Variants in P4HA1 observed in about 807,000 individuals in gnomAD.
P4HA1 encodes prolyl 4-hydroxylase subunit alpha-1.
A neutral mutation model predicts 72.8 loss-of-function variants in P4HA1; 24 were observed. The ratio of observed to expected loss-of-function variants is 0.33; its 90% CI spans 0.24 to 0.46. The LOEUF (loss-of-function observed/expected upper bound fraction) is 0.46. Ranked by LOEUF, P4HA1 falls within the 20% of genes least tolerant of loss-of-function variation. The probability of loss-of-function intolerance (pLI) is 1.00; values close to 1 mark genes in which losing one functional copy is unlikely to be tolerated. For synonymous variants in P4HA1, 201 were observed against 218.8 expected (o/e 0.92, Z 0.72); for missense variants, 446 against 640.6 (o/e 0.70, Z 3.28).
intron 7 of P4HA1, 144 bp from the exon 8 acceptor site, chr10:73,047,245 A>G: frequency 1.5e-6 from 1 of 651,506 alleles, no homozygotes; most frequent in South Asian, 2.1e-5. Flanking sequence ...GTACTCTGCA[A>G]ATATTTTGCC....
At chr10:73,025,210 TG>T (rs1371551174) in intron 10 of P4HA1, among the ~76,000 whole-genome samples, 16 of 152,298 alleles carry the variant, frequency 1.1e-4, no homozygotes, top group African/African-American at 3.9e-4. Context: ...ATATCGCTGA[TG>T]AACATCGACG....
chr10:73,026,357 A>T (rs1188294160), intron 10 of P4HA1, among the ~76,000 whole-genome samples: 1 of 152,254 alleles, frequency 6.6e-6, no homozygotes, highest in East Asian at 1.9e-4. Flanking sequence ...AAATGGGGAA[A>T]GGATTCCCTA....
chr10:73,062,766 T>C (rs1564632261), intron 5 of P4HA1, among the ~76,000 whole-genome samples: 1 of 152,212 alleles, frequency 6.6e-6, no homozygotes, highest in Non-Finnish European at 1.5e-5. Flanking sequence ...AAGGCATTTA[T>C]GAGAAATAAA....
intron 7 of P4HA1, among the ~76,000 whole-genome samples, chr10:73,049,285 C>T (rs371966106): frequency 1.8e-4 from 27 of 152,082 alleles, no homozygotes; most frequent in African/African-American, 5.8e-4. Context: ...TCATCAATAT[C>T]GAAATGCAAA....
chr10:73,060,951 AGTTCAGGG>A (rs1335212250), intron 5 of P4HA1, among the ~76,000 whole-genome samples: 4 of 152,216 alleles, frequency 2.6e-5, no homozygotes, highest in African/African-American at 9.7e-5. Flanking sequence ...TCCTATATAT[AGTTCAGGG>A]TAACCAAATG....
At chr10:73,075,534 G>A (rs569979815) in intron 1 of P4HA1, among the ~76,000 whole-genome samples, 43 of 152,046 alleles carry the variant, frequency 2.8e-4, no homozygotes, top group Non-Finnish European at 5.6e-4. Flanking sequence ...CATATAGCCT[G>A]AAAAATAAGT....
chr10:73,080,567 A>G (rs1841799446), intron 1 of P4HA1, among the ~76,000 whole-genome samples: 1 of 152,212 alleles, frequency 6.6e-6, no homozygotes, highest in South Asian at 2.1e-4. Context: ...ATTCATCCAC[A>G]TTCATTCAGA....
intron 7 of P4HA1, among the ~76,000 whole-genome samples, chr10:73,048,891 T>C (rs546335502): frequency 5.3e-5 from 8 of 152,184 alleles, no homozygotes; most frequent in South Asian, 2.1e-4. Context: ...TCCCAGCACT[T>C]TGGGAGGCCG....
intron 9 of P4HA1, among the ~76,000 whole-genome samples, chr10:73,041,818 TCA>T (rs1191947657): frequency 3.9e-5 from 6 of 152,006 alleles, no homozygotes; most frequent in Admixed American, 3.9e-4. Flanking sequence ...CTTTGGGTTC[TCA>T]TTTTTTTCTA....
chr10:73,010,808 T>C (rs1839896745), intron 13 of P4HA1, among the ~76,000 whole-genome samples, 161 bp downstream of exon 13: 1 of 151,998 alleles, frequency 6.6e-6, no homozygotes, highest in Non-Finnish European at 1.5e-5. Flanking sequence ...CAGTGAGCCA[T>C]GTTTATACTG....
chr10:73,026,394 G>A (rs1290740462), intron 10 of P4HA1, among the ~76,000 whole-genome samples: 1 of 152,154 alleles, frequency 6.6e-6, no homozygotes, highest in African/African-American at 2.4e-5. Flanking sequence ...GGGAAAACTG[G>A]CTAGCCATAT....
At chr10:73,081,479 G>A (rs1218960957) in intron 1 of P4HA1, among the ~76,000 whole-genome samples, 1 of 152,092 alleles carries the variant, frequency 6.6e-6, no homozygotes, top group Non-Finnish European at 1.5e-5. Context: ...AAGCAGTATG[G>A]AAGAAATCCT....
At chr10:73,040,936 T>G (rs1232180423) in intron 9 of P4HA1, among the ~76,000 whole-genome samples, 1 of 152,168 alleles carries the variant, frequency 6.6e-6, no homozygotes, top group Non-Finnish European at 1.5e-5. Flanking sequence ...TAGATATGAA[T>G]TAGGTTCTGT....
At chr10:73,014,605 A>T (rs1839975929) in intron 11 of P4HA1, among the ~76,000 whole-genome samples, 1 of 152,142 alleles carries the variant, frequency 6.6e-6, no homozygotes, top group African/African-American at 2.4e-5. Flanking sequence ...TGTATACTGG[A>T]TACTTTAGAC....
intron 7 of P4HA1, among the ~76,000 whole-genome samples, chr10:73,049,048 G>A (rs1053880287): frequency 2.6e-5 from 4 of 151,990 alleles, no homozygotes; most frequent in Non-Finnish European, 5.9e-5. Flanking sequence ...GCAGGAGAAT[G>A]GCGTGAACCC....
At chr10:73,069,811 G>T (rs57709817) in intron 4 of P4HA1, among the ~76,000 whole-genome samples, 22,415 of 142,018 alleles carry the variant, frequency 0.16, 2,832 homozygotes, top group African/African-American at 0.33. Flanking sequence ...CAACTGTTTT[G>T]TTTTTTTTTT....
At chr10:73,061,155 T>A (rs1356263086) in intron 5 of P4HA1, among the ~76,000 whole-genome samples, 2 of 152,186 alleles carry the variant, frequency 1.3e-5, no homozygotes. Context: ...CAGGCTCTCA[T>A]CACCTGAACC....
At chr10:73,032,780 A>G (rs79452543) in intron 9 of P4HA1, among the ~76,000 whole-genome samples, 7,533 of 152,286 alleles carry the variant, frequency 0.049, 608 homozygotes, top group African/African-American at 0.17. Context: ...GAGCAAGCGT[A>G]AGAGAGAGAG....
intron 12 of P4HA1, 26 bp from the exon 13 acceptor site, chr10:73,011,063 A>G: frequency 6.4e-7 from 1 of 1,572,584 alleles, no homozygotes; most frequent in African/African-American, 1.4e-5. Context: ...GGGTGTTATC[A>G]AAAGTGCTGG....
Sources: gnomAD v4.1 joint callset for allele counts (sites outside exome capture counted in the v4.1 genomes callset) on GRCh38, gnomAD v4.1.1 for gene constraint, MANE v1.5 for transcripts, NCBI Gene and HGNC (gene_info 2026-07-23, HGNC 2026-07-21) for gene names.